SFI1: variants seen among roughly 807,000 people sequenced by gnomAD.
SFI1 encodes the protein protein SFI1 homolog.
SFI1 carries 195 observed loss-of-function variants against 207.5 expected under a neutral mutation model. The observed-to-expected ratio is 0.94, with a 90% CI of 0.84 to 1.06. The LOEUF is 1.06. SFI1 is among the 50% of genes least tolerant of loss of function. The probability of loss-of-function intolerance (pLI) is 0.00; values close to 1 mark genes in which losing one functional copy is unlikely to be tolerated. For synonymous variants in SFI1, 630 were observed against 598.9 expected, an observed-to-expected ratio of 1.05 and a Z score of -0.76; for missense variants, 1,634 against 1,588.0, an observed-to-expected ratio of 1.03 and a Z score of -0.49.
At chr22:31,563,733 G>A (rs1365634359) in intron 8 of SFI1, among the ~76,000 whole-genome samples, 1 of 151,960 alleles carries the variant, frequency 6.6e-6, no homozygotes, top group Non-Finnish European at 1.5e-5. Flanking sequence ...TTACAGGCAC[G>A]CGCCACCATG....
chr22:31,548,574 C>T (rs1026522934), intron 5 of SFI1, among the ~76,000 whole-genome samples: 14 of 150,654 alleles, frequency 9.3e-5, no homozygotes, highest in African/African-American at 3.2e-4. Context: ...ACCCAGGAGG[C>T]GGAGACTGCA....
chr22:31,505,181 ATAATCCCAGCACT>A (rs1462969947), intron 1 of SFI1, among the ~76,000 whole-genome samples: 1 of 152,180 alleles, frequency 6.6e-6, no homozygotes, highest in Non-Finnish European at 1.5e-5. Flanking sequence ...GCTCACGCCT[ATAATCCCAGCACT>A]TTGGGAGGCC....
chr22:31,598,716 C>CTTTTTTTTTTTT (rs71184513), intron 15 of SFI1, among the ~76,000 whole-genome samples: 2,122 of 26,866 alleles, frequency 0.079, 794 homozygotes, highest in East Asian at 0.14. Flanking sequence ...TGCGCCTGGC[C>CTTTTTTTTTTTT]TTTTTTTTTT....
At chr22:31,580,132 A>G in intron 11 of SFI1, 140 bp from the exon 12 acceptor site, 2 of 624,190 alleles carry the variant, frequency 3.2e-6, no homozygotes, top group Non-Finnish European at 2.9e-6. Flanking sequence ...AGAAACACTC[A>G]GGGAGATGGA....
chr22:31,557,060 G>A lies in SFI1; in HGVS notation c.662+1G>A, dbSNP rs2061240890. On this transcript the variant is annotated splice_donor_variant, in intron 7 of 32. Transcript: ENST00000400288. LOFTEE classifies it high-confidence loss of function. ...AGTTTAGGCAACGGATTATCTTACG[G>A]TGAGTCTGCTCAACTGCCCTACAAA... is the stretch of plus-strand genomic sequence containing the variant. The A allele has an allele frequency of 1.3e-6, 2 of 1,586,994 alleles. No homozygotes were observed. The highest frequency in any genetic ancestry group is 1.3e-5 in the African/African-American group (1 of 74,250).
chr22:31,529,263 T>G (rs1158729624), intron 3 of SFI1, among the ~76,000 whole-genome samples: 1 of 152,188 alleles, frequency 6.6e-6, no homozygotes, highest in Non-Finnish European at 1.5e-5. Context: ...CAAAAATTTA[T>G]CAGGTCAGGT....
At chr22:31,594,514 C>G (rs62237809) in intron 15 of SFI1, among the ~76,000 whole-genome samples, 6,479 of 142,746 alleles carry the variant, frequency 0.045, 127 homozygotes, top group African/African-American at 0.053. Flanking sequence ...CATCATTGCA[C>G]TCCAGCCTGG....
At chr22:31,537,897 C>T (rs559931904) in intron 4 of SFI1, among the ~76,000 whole-genome samples, 2 of 152,160 alleles carry the variant, frequency 1.3e-5, no homozygotes, top group Admixed American at 1.3e-4. Flanking sequence ...GAGTGTTAGG[C>T]GGGAATAATA....
At chr22:31,616,686 C>G in intron 29 of SFI1, 59 bp from the exon 30 acceptor site, 1 of 1,500,328 alleles carries the variant, frequency 6.7e-7, no homozygotes. Context: ...ACTTGGTGTC[C>G]CCCTCCCTGG....
At chr22:31,541,913 T>C (rs993952691) in intron 4 of SFI1, among the ~76,000 whole-genome samples, 15 of 151,282 alleles carry the variant, frequency 9.9e-5, no homozygotes, top group East Asian at 3.9e-4. Flanking sequence ...CCATCCTGGC[T>C]AACATGGTGA....
At chr22:31,599,959 G>C (rs781134984) in intron 15 of SFI1, among the ~76,000 whole-genome samples, 9 of 151,606 alleles carry the variant, frequency 5.9e-5, no homozygotes, top group Non-Finnish European at 1.2e-4. Flanking sequence ...CTGGGCTCAA[G>C]ACATCCTCCT....
chr22:31,609,941 C>T (rs1006048357), intron 22 of SFI1, among the ~76,000 whole-genome samples: 1 of 152,190 alleles, frequency 6.6e-6, no homozygotes, highest in Admixed American at 6.5e-5. Flanking sequence ...TTAGAGGCGA[C>T]GGGTTTGAGT....
At chr22:31,547,061 C>A in intron 5 of SFI1, 90 bp downstream of exon 5, 2 of 947,444 alleles carry the variant, frequency 2.1e-6, no homozygotes, top group Non-Finnish European at 3.2e-6. Flanking sequence ...AAGAAGCAAA[C>A]TTTGGGTCAC....
chr22:31,558,522 G>A (rs1340562933), intron 7 of SFI1, among the ~76,000 whole-genome samples: 1 of 151,124 alleles, frequency 6.6e-6, no homozygotes, highest in Non-Finnish European at 1.5e-5. Context: ...AGGCTGGAGT[G>A]CAGTGGTGTG....
At chr22:31,563,202 A>G (rs995262155) in intron 8 of SFI1, among the ~76,000 whole-genome samples, 13 of 151,938 alleles carry the variant, frequency 8.6e-5, no homozygotes, top group Admixed American at 2.6e-4. Context: ...CGTGTTGCCC[A>G]GGGTGGTTGC....
At chr22:31,541,181 C>T (rs1400776048) in intron 4 of SFI1, among the ~76,000 whole-genome samples, 2 of 152,150 alleles carry the variant, frequency 1.3e-5, no homozygotes, top group Admixed American at 6.6e-5. Flanking sequence ...TTTCTGGGGC[C>T]TGTGCCACCA....
chr22:31,525,814 A>G (rs1350666141), intron 2 of SFI1, among the ~76,000 whole-genome samples: 1 of 152,046 alleles, frequency 6.6e-6, no homozygotes. Context: ...CCATTGGCCT[A>G]TGTGTCTGTT....
intron 15 of SFI1, among the ~76,000 whole-genome samples, chr22:31,601,895 C>T (rs1450741939): frequency 6.6e-6 from 1 of 151,652 alleles, no homozygotes; most frequent in African/African-American, 2.4e-5. Flanking sequence ...TGGGCTCAGG[C>T]GATCCCCCCA....
chr22:31,577,787 T>C (rs2063685713), intron 10 of SFI1, among the ~76,000 whole-genome samples: 1 of 152,128 alleles, frequency 6.6e-6, no homozygotes, highest in African/African-American at 2.4e-5. Flanking sequence ...AATTCTGGAT[T>C]AGCGGAGAGA....
Sources: allele counts gnomAD v4.1 joint callset (sites outside exome capture counted in the v4.1 genomes callset), GRCh38; gene constraint gnomAD v4.1.1; transcripts MANE v1.5; gene names NCBI Gene and HGNC (gene_info 2026-07-23, HGNC 2026-07-21).